CDH12: variants seen among roughly 807,000 people sequenced by gnomAD.
CDH12 encodes cadherin 12, also known as cadherin-12.
Under a neutral mutation model 74.1 loss-of-function variants are expected in CDH12, and 41 were observed. The observed-to-expected ratio is 0.55, with a 90% CI of 0.43 to 0.72. The LOEUF (loss-of-function observed/expected upper bound fraction) is 0.72, where lower values mean the gene tolerates loss of function less well. Among genes scored for constraint, CDH12 ranks in the 30% least tolerant of loss-of-function variants. The pLI is 0.00. For synonymous variants in CDH12, 399 were observed against 355.0 expected (o/e 1.12, Z -1.39); for missense variants, 945 against 977.2 (o/e 0.97, Z 0.44).
chr5:22,096,153 C>A (rs1743768312), intron 4 of CDH12, among the ~76,000 whole-genome samples: 1 of 152,094 alleles, frequency 6.6e-6, no homozygotes, highest in African/African-American at 2.4e-5. Context: ...ACCTCTTCAA[C>A]TCACACCTGA....
chr5:22,627,937 T>C (rs538825687), intron 1 of CDH12, among the ~76,000 whole-genome samples: 5 of 152,090 alleles, frequency 3.3e-5, no homozygotes, highest in African/African-American at 1.2e-4. Context: ...TAAGGATTAA[T>C]ATTTTAATTT....
intron 4 of CDH12, among the ~76,000 whole-genome samples, chr5:22,178,945 A>T (rs1284055302): frequency 6.6e-6 from 1 of 152,262 alleles, no homozygotes; most frequent in Non-Finnish European, 1.5e-5. Flanking sequence ...AGACTTGCAC[A>T]ATGGTTAAGA....
intron 4 of CDH12, among the ~76,000 whole-genome samples, chr5:22,153,255 A>C (rs899025830): frequency 1.3e-5 from 2 of 150,366 alleles, no homozygotes; most frequent in African/African-American, 4.9e-5. Context: ...CCTAAATTAA[A>C]CTTCAATGTG....
intron 1 of CDH12, among the ~76,000 whole-genome samples, chr5:22,850,887 C>T (rs1304298116): frequency 3.9e-5 from 6 of 152,100 alleles, no homozygotes; most frequent in South Asian, 2.1e-4. Flanking sequence ...TGATGTTCAT[C>T]ACAATGCATT....
intron 6 of CDH12, among the ~76,000 whole-genome samples, chr5:21,962,567 T>C (rs1756407500): frequency 6.6e-6 from 1 of 152,138 alleles, no homozygotes; most frequent in South Asian, 2.1e-4. Flanking sequence ...GATTATTTAT[T>C]AAATTTTCCT....
At chr5:22,823,054 T>C (rs557427574) in intron 1 of CDH12, among the ~76,000 whole-genome samples, 2 of 152,028 alleles carry the variant, frequency 1.3e-5, no homozygotes, top group Non-Finnish European at 2.9e-5. Context: ...TATGCAGCCA[T>C]AAAAAATGAA....
At chr5:22,149,111 C>T (rs186897546) in intron 4 of CDH12, among the ~76,000 whole-genome samples, 3 of 152,104 alleles carry the variant, frequency 2.0e-5, no homozygotes, top group African/African-American at 4.8e-5. Flanking sequence ...AGCAAGACTC[C>T]GTCTCAAAAA....
At chr5:21,876,080 G>C (rs1042761102) in intron 6 of CDH12, among the ~76,000 whole-genome samples, 1 of 151,918 alleles carries the variant, frequency 6.6e-6, no homozygotes, top group Admixed American at 6.6e-5. Context: ...ATTTTTAGTA[G>C]AGACAGGATT....
intron 4 of CDH12, among the ~76,000 whole-genome samples, chr5:22,090,606 TACACACAC>T (rs59054021): frequency 6.8e-6 from 1 of 147,574 alleles, no homozygotes; most frequent in South Asian, 2.1e-4. Context: ...CATACATACA[TACACACAC>T]ACACACACAC....
intron 11 of CDH12, among the ~76,000 whole-genome samples, chr5:21,767,152 T>G (rs1372428592): frequency 6.6e-6 from 1 of 151,870 alleles, no homozygotes; most frequent in Non-Finnish European, 1.5e-5. Flanking sequence ...TCAGTTTCTA[T>G]TTTTTATTTT....
intron 1 of CDH12, among the ~76,000 whole-genome samples, chr5:22,586,079 T>G (rs1332772461): frequency 1.3e-5 from 2 of 152,154 alleles, no homozygotes; most frequent in African/African-American, 4.8e-5. Flanking sequence ...AGCAAAGACT[T>G]GGAACCAACC....
chr5:22,558,765 G>A lies in CDH12; in HGVS notation c.-522-53401C>T, dbSNP rs898833425. On this transcript the variant is annotated intron_variant, in intron 1 of 14. Coordinates refer to ENST00000382254, the MANE Select transcript of CDH12 (RefSeq NM_004061.5). ...AGAACATGCAATTAAGGTGTCAAAG[G>A]TGTAAATAAGAGAAACATGGTAAGC... 4.6e-5 allele frequency among the ~76,000 whole-genome samples: 7 copies of A among 152,018 alleles called. No homozygotes were observed. The South Asian group carries it at 8.3e-4, about 18-fold the overall frequency.
intron 3 of CDH12, among the ~76,000 whole-genome samples, chr5:22,390,014 T>TACACACACACACACAC (rs70959727): frequency 1.3e-5 from 2 of 150,012 alleles, no homozygotes; most frequent in African/African-American, 4.9e-5. Context: ...GTAGTCAGAA[T>TACACACACACACACAC]ACACACACAC....
At chr5:22,586,310 G>A (rs942854014) in intron 1 of CDH12, among the ~76,000 whole-genome samples, 5 of 151,952 alleles carry the variant, frequency 3.3e-5, no homozygotes, top group African/African-American at 1.2e-4. Flanking sequence ...GACACGGGAA[G>A]GGGAACATCA....
chr5:22,119,222 T>C (rs1745354842), intron 4 of CDH12, among the ~76,000 whole-genome samples: 1 of 151,964 alleles, frequency 6.6e-6, no homozygotes, highest in Admixed American at 6.6e-5. Context: ...TCTTTTTGGC[T>C]TTGATGTACC....
At chr5:21,942,133 G>A (rs1232653278) in intron 6 of CDH12, among the ~76,000 whole-genome samples, 1 of 152,036 alleles carries the variant, frequency 6.6e-6, no homozygotes, top group Non-Finnish European at 1.5e-5. Flanking sequence ...TGAAAGCAGA[G>A]GTTGGAGTGA....
chr5:22,284,916 T>C (rs72742078), intron 3 of CDH12, among the ~76,000 whole-genome samples: 1 of 64,082 alleles, frequency 1.6e-5, no homozygotes, highest in Admixed American at 1.6e-4. Flanking sequence ...GATGAAAGAA[T>C]AAAGGCAAAA....
intron 3 of CDH12, among the ~76,000 whole-genome samples, chr5:22,340,811 A>C (rs953371097): frequency 2.0e-5 from 3 of 152,186 alleles, no homozygotes; most frequent in African/African-American, 4.8e-5. Flanking sequence ...TCAGTTTACA[A>C]AAGTCTGAGT....
chr5:22,458,228 T>A (rs986695106), intron 2 of CDH12, among the ~76,000 whole-genome samples: 2 of 152,158 alleles, frequency 1.3e-5, no homozygotes, highest in African/African-American at 4.8e-5. Flanking sequence ...TTCTTGCTGC[T>A]CCTTGGTTGG....
Sources: gnomAD v4.1 joint callset for allele counts (sites outside exome capture counted in the v4.1 genomes callset) on GRCh38, gnomAD v4.1.1 for gene constraint, MANE v1.5 for transcripts, NCBI Gene and HGNC (gene_info 2026-07-23, HGNC 2026-07-21) for gene names.